HECW1: variants seen among roughly 807,000 people sequenced by gnomAD.
HECW1 encodes E3 ubiquitin-protein ligase HECW1.
Under a neutral mutation model 182.3 loss-of-function variants are expected in HECW1, and 61 were observed. That is an observed-to-expected ratio of 0.33 (90% confidence interval 0.27 to 0.41). The LOEUF (loss-of-function observed/expected upper bound fraction) is 0.41. Among genes scored for constraint, HECW1 ranks in the 10% least tolerant of loss-of-function variants. HECW1 has a pLI of 1.00. For missense variants in HECW1, 1,739 were observed against 2,108.9 expected (o/e 0.82, Z 3.44); for synonymous variants, 859 against 832.6 (o/e 1.03, Z -0.55).
intron 2 of HECW1, among the ~76,000 whole-genome samples, chr7:43,143,711 C>T (rs1046016902): frequency 6.6e-5 from 10 of 152,154 alleles, no homozygotes; most frequent in Admixed American, 3.9e-4. Context: ...TGGAGAAGAT[C>T]CTCCTGGCTA....
Position 43,442,558 on chromosome 7 carries a change from G to T in HECW1, c.974G>T (p.Arg325Leu). The T allele has an allele frequency of 6.2e-7, 1 of 1,613,366 alleles. No individual in the cohort carries two copies. Among genetic ancestry groups the T allele is most frequent in the Non-Finnish European group, 8.5e-7 (1 of 1,179,492 alleles). ...GDRVVSYTLG[R>L]RLPTDHVSGQ... is the part of the protein sequence containing the mutation. ...AGGGTGGTCAGCTACACACTTGGCCGCAGGCTTCCAACAGATCATGTGAGT... is the reference window on the plus strand; with the variant it reads ...AGGGTGGTCAGCTACACACTTGGCCTCAGGCTTCCAACAGATCATGTGAGT... The change falls in exon 10 of 30, where the codon CGC (arginine) becomes CTC (leucine). Residue 325 changes from arginine to leucine, a missense_variant. Arg to Leu is a moderately radical substitution (Grantham distance 102). Transcript: ENST00000395891.
intron 3 of HECW1, among the ~76,000 whole-genome samples, chr7:43,306,118 A>C (rs1807530571): frequency 6.6e-6 from 1 of 151,884 alleles, no homozygotes; most frequent in African/African-American, 2.4e-5. Flanking sequence ...GCTGGTCTTG[A>C]ACTACTGACT....
intron 26 of HECW1, among the ~76,000 whole-genome samples, chr7:43,544,486 A>C (rs2081481416): frequency 6.6e-6 from 1 of 152,254 alleles, no homozygotes; most frequent in Non-Finnish European, 1.5e-5. Context: ...GATGGTGTAG[A>C]GAAACAGACC....
At chr7:43,441,238 G>T (rs904493763) in intron 9 of HECW1, among the ~76,000 whole-genome samples, 2 of 152,272 alleles carry the variant, frequency 1.3e-5, no homozygotes, top group East Asian at 3.9e-4. Flanking sequence ...TTGCTTTGAG[G>T]GGGTGGAGGG....
chr7:43,293,219 C>CAAAAAAAAAAAAA (rs34748611), intron 3 of HECW1, among the ~76,000 whole-genome samples: 1 of 76,544 alleles, frequency 1.3e-5, no homozygotes, highest in Non-Finnish European at 2.9e-5. Context: ...GACTATGTCT[C>CAAAAAAAAAAAAA]AAAAAAAAAA....
intron 3 of HECW1, among the ~76,000 whole-genome samples, chr7:43,285,245 G>T (rs1804484695): frequency 6.6e-6 from 1 of 152,102 alleles, no homozygotes; most frequent in African/African-American, 2.4e-5. Context: ...CTGGATCAGG[G>T]TCTCACCTGT....
At chr7:43,203,855 C>T (rs182256846) in intron 2 of HECW1, among the ~76,000 whole-genome samples, 3 of 152,286 alleles carry the variant, frequency 2.0e-5, no homozygotes, top group African/African-American at 7.2e-5. Flanking sequence ...CAGTTGTATA[C>T]CCCACTTTCT....
chr7:43,263,391 C>T (rs1267276535), intron 3 of HECW1, among the ~76,000 whole-genome samples: 1 of 152,192 alleles, frequency 6.6e-6, no homozygotes, highest in East Asian at 1.9e-4. Context: ...GATGGAGTCT[C>T]ACTCTGTCAC....
intron 3 of HECW1, among the ~76,000 whole-genome samples, chr7:43,264,740 T>A (rs1404657149): frequency 6.7e-5 from 10 of 149,190 alleles, no homozygotes; most frequent in Admixed American, 5.4e-4. Context: ...GTTACTCCGG[T>A]GGCTGAGGCA....
At chr7:43,141,945 T>C (rs1306791261) in intron 2 of HECW1, among the ~76,000 whole-genome samples, 2 of 152,224 alleles carry the variant, frequency 1.3e-5, no homozygotes, top group African/African-American at 4.8e-5. Context: ...CCACTGGCTC[T>C]AATTTAGGCT....
chr7:43,169,964 T>C (rs1791514018), intron 2 of HECW1, among the ~76,000 whole-genome samples: 1 of 152,210 alleles, frequency 6.6e-6, no homozygotes. Flanking sequence ...GATTACTTTG[T>C]CTGCCAACAT....
At chr7:43,442,683 T>C (rs557571364) in intron 10 of HECW1, 54 bp downstream of exon 10, 1 of 1,197,742 alleles carries the variant, frequency 8.3e-7, no homozygotes, top group East Asian at 2.4e-5. Context: ...ATAAGTGTGG[T>C]TCCTTTTTCT....
intron 2 of HECW1, among the ~76,000 whole-genome samples, chr7:43,188,992 C>T (rs1472037656): frequency 6.6e-6 from 1 of 152,184 alleles, no homozygotes; most frequent in Non-Finnish European, 1.5e-5. Context: ...CTCTGCAATA[C>T]ATCCTGAGTG....
At chr7:43,160,409 C>T (rs1257571971) in intron 2 of HECW1, among the ~76,000 whole-genome samples, 3 of 152,158 alleles carry the variant, frequency 2.0e-5, no homozygotes, top group African/African-American at 7.2e-5. Flanking sequence ...CCTTCACCTC[C>T]ACTTGGATTT....
intron 16 of HECW1, 100 bp downstream of exon 16, chr7:43,469,205 C>G: frequency 7.8e-7 from 1 of 1,274,458 alleles, no homozygotes; most frequent in Non-Finnish European, 1.1e-6. Context: ...GGAGTTATGT[C>G]TGAGAGATGT....
chr7:43,221,715 G>A (rs536502816), intron 2 of HECW1, among the ~76,000 whole-genome samples: 60 of 151,586 alleles, frequency 4.0e-4, no homozygotes, highest in African/African-American at 1.3e-3. Flanking sequence ...CACCACGCCC[G>A]GCTAATTTTT....
At chr7:43,518,734 T>A (rs1472528645) in intron 24 of HECW1, among the ~76,000 whole-genome samples, 1 of 151,996 alleles carries the variant, frequency 6.6e-6, no homozygotes, top group African/African-American at 2.4e-5. Context: ...GAAGAACAAA[T>A]TCAAATGATT....
intron 3 of HECW1, among the ~76,000 whole-genome samples, chr7:43,297,452 G>A (rs1256631232): frequency 6.6e-6 from 1 of 152,244 alleles, no homozygotes; most frequent in Admixed American, 6.5e-5. Context: ...GACTGTGGAT[G>A]TGTGTGGCCA....
intron 2 of HECW1, among the ~76,000 whole-genome samples, chr7:43,157,274 A>G (rs562825696): frequency 9.2e-5 from 14 of 152,220 alleles, no homozygotes; most frequent in Admixed American, 6.6e-4. Context: ...TCATAGTTGA[A>G]AATGAATTCT....
Sources: gnomAD v4.1 joint callset for allele counts (sites outside exome capture counted in the v4.1 genomes callset) on GRCh38, gnomAD v4.1.1 for gene constraint, MANE v1.5 for transcripts, NCBI Gene and HGNC (gene_info 2026-07-23, HGNC 2026-07-21) for gene names.